The following THAP9 variants were observed in gnomAD, a reference collection of about 807,000 sequenced individuals.
The protein encoded by THAP9 is THAP domain containing 9, also known as DNA transposase THAP9.
In THAP9, 20 loss-of-function variants were observed where a neutral mutation model predicts 35.7. The observed-to-expected ratio is 0.56, with a 90% CI of 0.39 to 0.81. The LOEUF (loss-of-function observed/expected upper bound fraction) is 0.81, where lower values mean the gene tolerates loss of function less well. Among genes scored for constraint, THAP9 ranks in the 40% least tolerant of loss-of-function variants. The pLI, the probability that THAP9 is intolerant of heterozygous loss-of-function variation, is 0.00. For synonymous variants in THAP9, 335 were observed against 373.7 expected (o/e 0.90, Z 1.19); for missense variants, 870 against 1,047.4 (o/e 0.83, Z 2.34).
chr4:82,916,864 A>T, intron 4 of THAP9, 80 bp from the exon 5 acceptor site: 1 of 1,278,604 alleles, frequency 7.8e-7, no homozygotes. Context: ...ATGGGAGACT[A>T]CTTTAATAGT....
In THAP9 at chr4:82,906,616, C is replaced by T. The variant is rs1451977398; in HGVS notation, c.569C>T (p.Ala190Val). ...LSEETECLLRAQFSDFKWELY... is the reference protein window; with the variant it reads ...LSEETECLLRVQFSDFKWELY... ...GAAGAAACAGAGTGTCTGCTACGAG[C>T]TCAATTTTCAGGTACTTCCCCCTAG... The change falls in exon 3 of 5, where the codon GCT (alanine) becomes GTT (valine). Residue 190 changes from alanine (A) to valine (V), a missense_variant. This residue lies in a region of THAP9 where 440 missense variants were observed against 501.2 expected (regional missense o/e 0.88). Coordinates refer to ENST00000302236, the MANE Select transcript of THAP9 (RefSeq NM_024672.6). 4.4e-6 allele frequency: 7 copies of T among 1,590,780 alleles called. No homozygotes were observed. The highest frequency in any genetic ancestry group is 4.3e-6 in the Non-Finnish European group (5 of 1,168,768).
At chr4:82,907,636 G>A in intron 3 of THAP9, 149 bp from the exon 4 acceptor site, 1 of 600,802 alleles carries the variant, frequency 1.7e-6, no homozygotes, top group East Asian at 3.2e-5. Flanking sequence ...GGTCCTAAGT[G>A]GATATTAACC....
rs1720638604 is a variant in THAP9, at chr4:82,906,173, A to G, written c.277-151A>G. 9 of 634,132 alleles carry G rather than the reference A, an allele frequency of 1.4e-5. No homozygotes were observed. The South Asian group carries it at 2.1e-4, about 15-fold the overall frequency. 39.3% of individuals were successfully genotyped at this position (634,132 alleles called of 1,614,324 possible). On this transcript the variant is annotated intron_variant, in intron 2 of 4. Transcript: ENST00000302236. ...GCCTGTTTATATTACCCTATAAACTATACATTAAAACATTCAGAGATTATG... is the reference window on the plus strand; with the variant it reads ...GCCTGTTTATATTACCCTATAAACTGTACATTAAAACATTCAGAGATTATG...
At chr4:82,916,868 T>C in intron 4 of THAP9, 76 bp from the exon 5 acceptor site, 1 of 1,342,166 alleles carries the variant, frequency 7.5e-7, no homozygotes, top group African/African-American at 1.5e-5. Context: ...GAGACTACTT[T>C]AATAGTGCTT....
intron 4 of THAP9, chr4:82,910,706 G>C (rs772625717): frequency 1.7e-6 from 1 of 604,508 alleles, no homozygotes. Context: ...GGAGCGGCCA[G>C]TGAGGCAGGA....
chr4:82,902,842 T>G (rs966357238), intron 1 of THAP9, among the ~76,000 whole-genome samples: 15 of 152,194 alleles, frequency 9.9e-5, no homozygotes, highest in African/African-American at 3.6e-4. Flanking sequence ...GTTTACAAAG[T>G]GATTTTGAAT....
chr4:82,915,188 T>C (rs1258512148), intron 4 of THAP9, among the ~76,000 whole-genome samples: 1 of 152,234 alleles, frequency 6.6e-6, no homozygotes, highest in East Asian at 1.9e-4. Flanking sequence ...CTAAATAGAT[T>C]ATAACCTACT....
In THAP9 at chr4:82,919,009, G is replaced by A. The variant is rs144661800; in HGVS notation, c.*85G>A. The A allele has an allele frequency of 3.1e-4, 360 of 1,172,220 alleles. No individual in the cohort carries two copies. In the African/African-American group the frequency reaches 4.7e-3, roughly 15 times the overall value. The allele number at this position is 1,172,220 out of a possible 1,614,324, so 72.6% of individuals were successfully genotyped here. On this transcript the variant is annotated 3_prime_UTR_variant, in exon 5 of 5. Coordinates refer to ENST00000302236, the MANE Select transcript of THAP9 (RefSeq NM_024672.6). ...CAATTTACCATATTTTATAAATTGCGCATTCTGCACAGTGGACAAGTTTGC... is the reference window on the plus strand; with the variant it reads ...CAATTTACCATATTTTATAAATTGCACATTCTGCACAGTGGACAAGTTTGC...
Position 82,919,061 on chromosome 4 carries a change from T to A in THAP9, c.*137T>A, listed in dbSNP as rs932773246. ...ATTCTGACTTATTAAAATTTCAAAT[T>A]CTGCATATCACAAAATCTCCTTATA... On this transcript the variant is annotated 3_prime_UTR_variant, in exon 5 of 5. Transcript: ENST00000302236. 3 of 684,462 alleles carry A rather than the reference T, an allele frequency of 4.4e-6. No individual in the cohort carries two copies. The highest frequency in any genetic ancestry group is 7.0e-6 in the Non-Finnish European group (3 of 428,564). The allele number at this position is 684,462 out of a possible 1,614,324, so 42.4% of individuals were successfully genotyped here.
At chr4:82,910,074 TC>T (rs1197455875) in intron 4 of THAP9, 1 of 152,168 alleles carries the variant, frequency 6.6e-6, no homozygotes, top group Non-Finnish European at 1.5e-5. Context: ...TCTTATCTTT[TC>T]TTTTTCATGG....
chr4:82,916,935 G>A lies in THAP9; in HGVS notation c.732-9G>A. On this transcript the variant is annotated splice_polypyrimidine_tract_variant and intron_variant, in intron 4 of 4. Transcript: ENST00000302236. ...CTTTGAGTGTTCTTTCACTTTTTAT[G>A]TATTCTAGGTGGTTATCCAAATGCC... The A allele has an allele frequency of 6.7e-7, 1 of 1,489,158 alleles. No homozygotes were observed. The highest frequency in any genetic ancestry group is 8.9e-7 in the Non-Finnish European group (1 of 1,120,476). 92.2% of individuals were successfully genotyped at this position (1,489,158 alleles called of 1,614,324 possible).
rs1560700259 is a variant in THAP9, at chr4:82,918,311, C to T, written c.2099C>T (p.Ser700Leu). The stretch of plus-strand genomic sequence containing the variant: ...ATTTGTCAAGACTGGTCTCATTGTT[C>T]ACTAAGTGAGGCATTACTAGACCTG... ...EGICQDWSHC[S>L]LSEALLDLSD... Residue 700 changes from serine (S) to leucine (L), a missense_variant, in exon 5 of 5, where the codon TCA (serine) becomes TTA (leucine). By Grantham distance (145) the Ser-to-Leu change is moderately radical. Around this residue, in one of 3 missense-constraint regions of THAP9, gnomAD observed 414 missense variants for 500.8 expected, o/e 0.83. Coordinates refer to ENST00000302236, the MANE Select transcript of THAP9 (RefSeq NM_024672.6). 1.2e-6 allele frequency: 2 copies of T among 1,614,154 alleles called. No homozygotes were observed. Among genetic ancestry groups the T allele is most frequent in the Non-Finnish European group, 1.7e-6 (2 of 1,180,006 alleles).
At chr4:82,913,654 A>T (rs1280916317) in intron 4 of THAP9, among the ~76,000 whole-genome samples, 1 of 151,854 alleles carries the variant, frequency 6.6e-6, no homozygotes, top group Non-Finnish European at 1.5e-5. Context: ...TGTTGTACAG[A>T]TTATTTCATC....
At position 82,906,646 on chromosome 4, in the gene THAP9, C is replaced by CTGTA; in HGVS notation, c.580+20_580+23dup. 6.5e-7 allele frequency: 1 copy of CTGTA among 1,539,872 alleles called. No individual in the cohort carries two copies. Among genetic ancestry groups the CTGTA allele is most frequent in the East Asian group, 2.3e-5 (1 of 44,012 alleles). ...TTTTCAGGTACTTCCCCCTAGTAAC[C>CTGTA]TGTAGTATTTACAAAAATAGCTATT... On this transcript the variant is annotated intron_variant, in intron 3 of 4. Coordinates refer to ENST00000302236, the MANE Select transcript of THAP9 (RefSeq NM_024672.6).
intron 1 of THAP9, among the ~76,000 whole-genome samples, chr4:82,903,185 A>T (rs1374350895): frequency 1.3e-5 from 2 of 152,220 alleles, no homozygotes; most frequent in Non-Finnish European, 2.9e-5. Context: ...GGGCAGAAAG[A>T]GTAGTTTTGT....
chr4:82,916,669 C>T (rs1041593391), intron 4 of THAP9, among the ~76,000 whole-genome samples: 1 of 152,140 alleles, frequency 6.6e-6, no homozygotes, highest in African/African-American at 2.4e-5. Flanking sequence ...TCAGTTAGAA[C>T]AAACTGGTTA....
In THAP9 at chr4:82,907,955, A is replaced by G. The variant is rs1325087653; in HGVS notation, c.731+20A>G. 1.2e-6 allele frequency: 2 copies of G among 1,604,542 alleles called. No homozygotes were observed. Among genetic ancestry groups the G allele is most frequent in the South Asian group, 1.1e-5 (1 of 88,482 alleles). On this transcript the variant is annotated intron_variant, in intron 4 of 4. Transcript: ENST00000302236. ...CAGAACGTAAGTGAATTATTTTTTT[A>G]TTTTTTAAAAGTGACTTTCTTGTCA...
chr4:82,912,589 C>T (rs908073809), intron 4 of THAP9, among the ~76,000 whole-genome samples: 7 of 152,146 alleles, frequency 4.6e-5, no homozygotes, highest in African/African-American at 7.2e-5. Flanking sequence ...TTTGAACTTT[C>T]GCAAGGACAG....
intron 2 of THAP9, chr4:82,906,017 G>T (rs1720632910): frequency 2.2e-6 from 1 of 459,450 alleles, no homozygotes; most frequent in Non-Finnish European, 4.3e-6. Context: ...CCATGTTATT[G>T]TACCTTCTAA....
Sources: allele counts gnomAD v4.1 joint callset (sites outside exome capture counted in the v4.1 genomes callset), GRCh38; gene constraint gnomAD v4.1.1; regional missense constraint gnomAD v4.1.1; transcripts MANE v1.5; gene names NCBI Gene and HGNC (gene_info 2026-07-23, HGNC 2026-07-21).